Variants in ZNF304 observed in about 807,000 individuals in gnomAD.
ZNF304 encodes KRAB-containing zinc finger protein.
In ZNF304, 7 loss-of-function variants were observed where a neutral mutation model predicts 7.8. That is an observed-to-expected ratio of 0.90 (90% CI 0.51 to 1.69). ZNF304 has a LOEUF of 1.69. Among genes scored for constraint, ZNF304 ranks in the 40% most tolerant of loss-of-function variants. The pLI is 0.00. For synonymous variants in ZNF304, 280 were observed against 272.4 expected (o/e 1.03, Z -0.27); for missense variants, 669 against 804.8 (o/e 0.83, Z 2.04).
intron 1 of ZNF304, among the ~76,000 whole-genome samples, chr19:57,352,330 C>T (rs531740512): frequency 7.2e-5 from 11 of 152,272 alleles, no homozygotes; most frequent in African/African-American, 2.6e-4. Flanking sequence ...GAATGGAGGT[C>T]ATTTCTAGTT....
chr19:57,354,022 G>GT (rs962507785), intron 2 of ZNF304, among the ~76,000 whole-genome samples, 171 bp downstream of exon 2: 4 of 149,750 alleles, frequency 2.7e-5, no homozygotes, highest in African/African-American at 4.9e-5. Flanking sequence ...TTTGTTTTTT[G>GT]TTTTTTCAGA....
intron 2 of ZNF304, among the ~76,000 whole-genome samples, chr19:57,355,705 C>T (rs1326908597): frequency 6.6e-6 from 1 of 152,184 alleles, no homozygotes; most frequent in Non-Finnish European, 1.5e-5. Context: ...TTTTCGTGGG[C>T]ATGGACATAC....
At chr19:57,353,681 G>A in intron 1 of ZNF304, 44 bp from the exon 2 acceptor site, 1 of 1,567,748 alleles carries the variant, frequency 6.4e-7, no homozygotes, top group Non-Finnish European at 8.7e-7. Context: ...GGGGGTTCTG[G>A]GGAGAGATGC....
In ZNF304 at chr19:57,358,143, T is replaced by C. The variant is rs2088373201; in HGVS notation, c.*294T>C. On this transcript the variant is annotated 3_prime_UTR_variant, in exon 3 of 3. Transcript: ENST00000282286. ...GAAGCCATCTTATTGCTACCAGCTG[T>C]GTGTGTCAATCACTCCATTTTGCTC... 1.5e-5 allele frequency: 5 copies of C among 340,812 alleles called. No individual in the cohort carries two copies. In the South Asian group the frequency reaches 3.8e-4, roughly 26 times the overall value. The allele number at this position is 340,812 out of a possible 1,614,324, so 21.1% of individuals were successfully genotyped here.
In ZNF304 at chr19:57,358,727, G is replaced by A. The variant is rs1306770911; in HGVS notation, c.*878G>A. ...AAAAATTTTTGTGCCTAACTTTGTG[G>A]CCTGGCTGCCAGGATTTCCTGTGAG... On this transcript the variant is annotated 3_prime_UTR_variant, in exon 3 of 3. Transcript: ENST00000282286. The A allele has an allele frequency of 6.6e-6, 1 of 152,200 alleles. No homozygotes were observed. The highest frequency in any genetic ancestry group is 1.5e-5 in the Non-Finnish European group (1 of 68,038). The allele number at this position is 152,200 out of a possible 1,614,324, so 9.4% of individuals were successfully genotyped here.
At chr19:57,355,241 C>T in intron 2 of ZNF304, 1 of 764,446 alleles carries the variant, frequency 1.3e-6, no homozygotes, top group East Asian at 2.4e-5. Context: ...TCTACCTGCG[C>T]CACTCACCTG....
rs1219439508 is a variant in ZNF304 at position 57,357,764 on chromosome 19, G to A, written c.1895G>A (p.Arg632His). ...TATAGCAGAAGCTCCCATCTTGTTC[G>A]TCACCAGAAAGCTCACACTGGAGAA... ...KAYSRSSHLV[R>H]HQKAHTGERA... Residue 632 changes from arginine to histidine, a missense_variant, in exon 3 of 3, where the codon CGT becomes CAT. Arg to His is a conservative substitution (Grantham distance 29). Transcript: ENST00000282286. 5 of 1,614,110 alleles carry A rather than the reference G, an allele frequency of 3.1e-6. No individual in the cohort carries two copies. The highest frequency in any genetic ancestry group is 3.4e-6 in the Non-Finnish European group (4 of 1,180,008).
rs1042398130 is a variant in ZNF304 at position 57,351,282 on chromosome 19, A to C, written c.-383A>C. On this transcript the variant is annotated 5_prime_UTR_variant, in exon 1 of 3. The change abolishes an upstream ATG in the 5' untranslated region. Coordinates refer to ENST00000282286, the MANE Select transcript of ZNF304 (RefSeq NM_020657.4). The surrounding 1 kb of genome is among the most constrained non-coding windows in gnomAD (Gnocchi z 4.1). ...GTCGCCGTCGTGACGTATTTTTCCT[A>C]TGCCCGGTCCGTGCATTCTGGTTGT... The C allele has an allele frequency of 6.3e-5, 15 of 239,870 alleles. No homozygotes were observed. In the Admixed American group the frequency reaches 7.9e-4, roughly 13 times the overall value. The allele number at this position is 239,870 out of a possible 1,614,324, so 14.9% of individuals were successfully genotyped here.
In ZNF304 at chr19:57,358,047, A is replaced by G. The variant is rs2088371819; in HGVS notation, c.*198A>G. 1 of 640,452 alleles carries G rather than the reference A, an allele frequency of 1.6e-6. No individual in the cohort carries two copies. Among genetic ancestry groups the G allele is most frequent in the Admixed American group, 3.2e-5 (1 of 31,396 alleles). The allele number at this position is 640,452 out of a possible 1,614,324, so 39.7% of individuals were successfully genotyped here. A position where few individuals can be genotyped will look rare whatever the true frequency, so the allele number is the denominator to read the frequency against. ...AGCACCACATATGTGGGAGGCTTTC[A>G]TGAGGTGTGTTGCACTTTGTAACTG... On this transcript the variant is annotated 3_prime_UTR_variant, in exon 3 of 3. Transcript: ENST00000282286.
At chr19:57,353,691 C>G in intron 1 of ZNF304, 34 bp from the exon 2 acceptor site, 3 of 1,577,458 alleles carry the variant, frequency 1.9e-6, no homozygotes, top group Non-Finnish European at 2.6e-6. Context: ...GGGAGAGATG[C>G]TGACTGTGGA....
rs1267811157 is a variant in ZNF304, at chr19:57,358,131, T to A, written c.*282T>A. On this transcript the variant is annotated 3_prime_UTR_variant, in exon 3 of 3. Coordinates refer to ENST00000282286, the MANE Select transcript of ZNF304 (RefSeq NM_020657.4). ...GTGCCTGTGGCGGAAGCCATCTTATTGCTACCAGCTGTGTGTGTCAATCAC... is the reference window on the plus strand; with the variant it reads ...GTGCCTGTGGCGGAAGCCATCTTATAGCTACCAGCTGTGTGTGTCAATCAC... 1 of 372,152 alleles carries A rather than the reference T, an allele frequency of 2.7e-6. No homozygotes were observed. The highest frequency in any genetic ancestry group is 4.8e-6 in the Non-Finnish European group (1 of 206,328). 23.1% of individuals were successfully genotyped at this position (372,152 alleles called of 1,614,324 possible).
At chr19:57,354,839 C>T (rs1568518157) in intron 2 of ZNF304, among the ~76,000 whole-genome samples, 1 of 152,156 alleles carries the variant, frequency 6.6e-6, no homozygotes. Context: ...CCATCCAGAT[C>T]CATGACTCTT....
chr19:57,355,321 C>A, intron 2 of ZNF304: 1 of 765,278 alleles, frequency 1.3e-6, no homozygotes, highest in Non-Finnish European at 2.4e-6. Context: ...GGGCAGAAAA[C>A]CTTGGGTGCC....
chr19:57,356,398 C>A lies in ZNF304; in HGVS notation c.529C>A (p.Pro177Thr), dbSNP rs200449396. 15 of 1,614,032 alleles carry A rather than the reference C, an allele frequency of 9.3e-6. No homozygotes were observed. Among genetic ancestry groups the A allele is most frequent in the South Asian group, 2.2e-5 (2 of 91,084 alleles). ...GTGCAGGGAGGAAGGGATGGACTTA[C>A]CAGATAGCTCTGGCCTTTTCCAGCA... ...FTCREEGMDLPDSSGLFQHQT... is the reference protein window; with the variant it reads ...FTCREEGMDLTDSSGLFQHQT... The change falls in exon 3 of 3, where the codon CCA becomes ACA. Residue 177 changes from proline to threonine, a missense_variant. Physicochemically the swap from Pro to Thr is conservative, Grantham distance 38. Transcript: ENST00000282286.
Position 57,357,059 on chromosome 19 carries a change from G to A in ZNF304, c.1190G>A (p.Gly397Glu). Residue 397 changes from glycine to glutamate, a missense_variant, in exon 3 of 3, where the codon GGA becomes GAA. Physicochemically the swap from Gly to Glu is moderately conservative, Grantham distance 98. Transcript: ENST00000282286. ...AGGCCTTATGAGTGCAGTGAATGTG[G>A]AAAATTCTTTAGCCAAAGCTCCCAC... ...GERPYECSEC[G>E]KFFSQSSHLI... 1 of 1,614,134 alleles carries A rather than the reference G, an allele frequency of 6.2e-7. No individual in the cohort carries two copies. The highest frequency in any genetic ancestry group is 2.2e-5 in the East Asian group (1 of 44,884).
rs541313822 is a variant in ZNF304 at position 57,351,865 on chromosome 19, T to A, written c.33+168T>A. 1.6e-6 allele frequency: 1 copy of A among 642,544 alleles called. No homozygotes were observed. The highest frequency in any genetic ancestry group is 1.9e-5 in the African/African-American group (1 of 53,194). The allele number at this position is 642,544 out of a possible 1,614,324, so 39.8% of individuals were successfully genotyped here. ...AACGGACTCGAAGGCGCAGGGGCAG[T>A]TCGTACAAATGCATGCATGGAGAGG... On this transcript the variant is annotated intron_variant, in intron 1 of 2. Transcript: ENST00000282286. The surrounding 1 kb of genome is among the most constrained non-coding windows in gnomAD (Gnocchi z 4.1).
intron 2 of ZNF304, 102 bp from the exon 3 acceptor site, chr19:57,355,927 AC>A (rs1189484214): frequency 2.1e-5 from 28 of 1,336,038 alleles, no homozygotes; most frequent in Non-Finnish European, 2.8e-5. Context: ...TGTCCTGCCA[AC>A]AAGCCAGTGG....
In ZNF304 at chr19:57,359,738, T is replaced by C. The variant is rs757405760; in HGVS notation, c.*1889T>C. 1 of 152,252 alleles carries C rather than the reference T, an allele frequency of 6.6e-6. No homozygotes were observed. The highest frequency in any genetic ancestry group is 1.9e-4 in the East Asian group (1 of 5,200). The allele number at this position is 152,252 out of a possible 1,614,324, so 9.4% of individuals were successfully genotyped here. On this transcript the variant is annotated 3_prime_UTR_variant, in exon 3 of 3. Transcript: ENST00000282286. Reference sequence around the variant, plus strand: ...TTTTAAGGTTAATCCATTATCTTGTTGCATGAATCAATTGTTTGCTCATTT... The same window carrying C: ...TTTTAAGGTTAATCCATTATCTTGTCGCATGAATCAATTGTTTGCTCATTT...
At position 57,357,618 on chromosome 19, in the gene ZNF304, A is replaced by G; in HGVS notation, c.1749A>G (p.Gly583=). 1 of 1,614,236 alleles carries G rather than the reference A, an allele frequency of 6.2e-7. No homozygotes were observed. The highest frequency in any genetic ancestry group is 1.1e-5 in the South Asian group (1 of 91,080). The change falls in exon 3 of 3, where the codon GGA becomes GGG. Residue 583 remains glycine, a synonymous_variant. Transcript: ENST00000282286. ...HLVQHKKVHT[G]ARPYECSECG... ...TTCAACACAAGAAAGTTCACACTGG[A>G]GCAAGACCTTATGAGTGCAGTGAAT...
Sources: allele counts gnomAD v4.1 joint callset (sites outside exome capture counted in the v4.1 genomes callset), GRCh38; gene constraint gnomAD v4.1.1; non-coding constraint Gnocchi (gnomAD v3.1); transcripts MANE v1.5; gene names NCBI Gene and HGNC (gene_info 2026-07-23, HGNC 2026-07-21).